DLGAP2: variants seen among roughly 807,000 people sequenced by gnomAD.
The protein encoded by DLGAP2 is disks large-associated protein 2.
In DLGAP2, 26 loss-of-function variants were observed where a neutral mutation model predicts 100.3. The observed-to-expected ratio is 0.26, with a 90% CI of 0.19 to 0.36. The LOEUF is 0.36. Ranked by LOEUF, DLGAP2 falls within the 10% of genes least tolerant of loss-of-function variation. The pLI, the probability that DLGAP2 is intolerant of heterozygous loss-of-function variation, is 1.00. For missense variants in DLGAP2, 1,858 were observed against 1,453.2 expected (o/e 1.28, Z -4.53); for synonymous variants, 886 against 630.1 (o/e 1.41, Z -6.08).
At chr8:1,156,845 G>A (rs1796801384) in intron 2 of DLGAP2, among the ~76,000 whole-genome samples, 1 of 152,206 alleles carries the variant, frequency 6.6e-6, no homozygotes, top group Non-Finnish European at 1.5e-5. Flanking sequence ...ACTGAGAGAG[G>A]TTGGTAGAAA....
At chr8:996,385 G>C (rs1379386574) in intron 2 of DLGAP2, among the ~76,000 whole-genome samples, 1 of 152,242 alleles carries the variant, frequency 6.6e-6, no homozygotes, top group East Asian at 1.9e-4. Flanking sequence ...GTCTGAGCAG[G>C]GTGTGGATCC....
intron 2 of DLGAP2, among the ~76,000 whole-genome samples, chr8:1,138,790 C>A (rs1309051273): frequency 6.6e-6 from 1 of 152,034 alleles, no homozygotes; most frequent in Non-Finnish European, 1.5e-5. Flanking sequence ...TTGTCCTGAC[C>A]TGTGCAGCTG....
At chr8:1,180,597 G>T (rs982545434) in intron 2 of DLGAP2, among the ~76,000 whole-genome samples, 6 of 144,878 alleles carry the variant, frequency 4.1e-5, no homozygotes. Context: ...ACTGTCGAGT[G>T]TGTGTGGGTG....
intron 2 of DLGAP2, among the ~76,000 whole-genome samples, chr8:1,077,174 G>A (rs770470017): frequency 3.3e-5 from 5 of 152,162 alleles, no homozygotes; most frequent in Non-Finnish European, 4.4e-5. Context: ...TCTGTCCTCC[G>A]GTTTCTGCTT....
At chr8:1,208,662 C>G (rs1206237858) in intron 2 of DLGAP2, among the ~76,000 whole-genome samples, 2 of 151,980 alleles carry the variant, frequency 1.3e-5, no homozygotes, top group African/African-American at 4.8e-5. Flanking sequence ...TAAGGGCATC[C>G]AAATTGGTAA....
At chr8:1,137,494 C>T (rs1796442235) in intron 2 of DLGAP2, 1 of 152,406 alleles carries the variant, frequency 6.6e-6, no homozygotes, top group Non-Finnish European at 1.5e-5. Context: ...AGCCGGCCCA[C>T]ACCATTTTCT....
intron 2 of DLGAP2, among the ~76,000 whole-genome samples, chr8:1,184,081 G>A (rs1441286639): frequency 6.6e-6 from 1 of 152,204 alleles, no homozygotes; most frequent in East Asian, 1.9e-4. Context: ...CAGTGTGTTT[G>A]CGTTGTGTTT....
chr8:1,493,183 C>G (rs1210533456), intron 3 of DLGAP2, among the ~76,000 whole-genome samples: 1 of 152,210 alleles, frequency 6.6e-6, no homozygotes, highest in Admixed American at 6.5e-5. Flanking sequence ...GCCCTAGGAA[C>G]CCAGATGGCT....
intron 3 of DLGAP2, among the ~76,000 whole-genome samples, chr8:1,388,250 G>C (rs1193592350): frequency 7.9e-6 from 1 of 126,584 alleles, no homozygotes; most frequent in Non-Finnish European, 1.6e-5. Flanking sequence ...GTAAGAGGCA[G>C]AGGCCGTGGA....
intron 3 of DLGAP2, among the ~76,000 whole-genome samples, chr8:1,498,379 TAAAAA>T (rs55865222): frequency 9.4e-5 from 14 of 148,860 alleles, no homozygotes; most frequent in Admixed American, 4.0e-4. Context: ...GCAAAATAAA[TAAAAA>T]AAAAAAAATT....
chr8:750,819 A>G (rs1355287085), intron 1 of DLGAP2, among the ~76,000 whole-genome samples: 2 of 152,210 alleles, frequency 1.3e-5, no homozygotes, highest in East Asian at 3.8e-4. Context: ...CAAAAGGCCT[A>G]ATGGGATAGC....
chr8:1,307,210 A>G (rs996984335), intron 3 of DLGAP2, among the ~76,000 whole-genome samples: 1 of 152,136 alleles, frequency 6.6e-6, no homozygotes, highest in African/African-American at 2.4e-5. Flanking sequence ...TGATTCAAAA[A>G]TGGGCAAAGG....
At chr8:1,078,498 C>T (rs1239140802) in intron 2 of DLGAP2, among the ~76,000 whole-genome samples, 1 of 152,148 alleles carries the variant, frequency 6.6e-6, no homozygotes, top group Non-Finnish European at 1.5e-5. Flanking sequence ...TGGCGTATGC[C>T]CACCCTGGCA....
chr8:1,253,663 G>T (rs1799103912), intron 2 of DLGAP2, among the ~76,000 whole-genome samples: 1 of 152,136 alleles, frequency 6.6e-6, no homozygotes. Flanking sequence ...TGTGGTGAGG[G>T]TTCAGGTTCA....
At position 1,449,833 on chromosome 8, in the gene DLGAP2, G is replaced by C. The variant is rs1042070367; in HGVS notation, c.107-51533G>C. The stretch of plus-strand genomic sequence containing the variant: ...GACGAGGTGGGCGGCCTCGGTGGCT[G>C]TGACTGTAGCGGAGCTGTGAGGGTG... On this transcript the variant is annotated intron_variant, in intron 3 of 14. Coordinates refer to ENST00000637795, the MANE Select transcript of DLGAP2 (RefSeq NM_001346810.2). 4.8e-5 allele frequency among the ~76,000 whole-genome samples: 7 copies of C among 146,686 alleles called. 1 individual carries two copies. Among genetic ancestry groups the C allele is most frequent in the Admixed American group, 1.4e-4 (2 of 14,504 alleles).
Position 960,237 on chromosome 8 carries a change from CT to C in DLGAP2, c.73+52286del, listed in dbSNP as rs71528625. On this transcript the variant is annotated intron_variant, in intron 2 of 14. Coordinates refer to ENST00000637795, the MANE Select transcript of DLGAP2 (RefSeq NM_001346810.2). ...TTGGGCAATTATTCCTGAAGTATATCTTTTTTTTTTTTTTTCCCGAGACACT... is the reference window on the plus strand; with the variant it reads ...TTGGGCAATTATTCCTGAAGTATATCTTTTTTTTTTTTTTCCCGAGACACT... Among the ~76,000 whole-genome samples the C allele has an allele frequency of 4.9e-4, 22 of 44,650 alleles. 2 individuals carry two copies. The South Asian group carries it at 9.1e-3, about 18-fold the overall frequency. The allele number at this position is 44,650 out of a possible 152,430, so 29.3% of individuals were successfully genotyped here.
intron 3 of DLGAP2, among the ~76,000 whole-genome samples, chr8:1,378,694 G>A (rs1232213347): frequency 6.6e-6 from 1 of 152,264 alleles, no homozygotes; most frequent in African/African-American, 2.4e-5. Context: ...ATCTTCCTCT[G>A]TGCTTTCATC....
intron 3 of DLGAP2, among the ~76,000 whole-genome samples, chr8:1,290,089 T>C (rs2116968275): frequency 6.6e-6 from 1 of 152,276 alleles, no homozygotes; most frequent in Middle Eastern, 3.4e-3. Flanking sequence ...GTTGGGAATT[T>C]ATTCCTACCT....
At chr8:1,057,568 G>T (rs1802919719) in intron 2 of DLGAP2, among the ~76,000 whole-genome samples, 1 of 152,178 alleles carries the variant, frequency 6.6e-6, no homozygotes, top group Admixed American at 6.5e-5. Flanking sequence ...GATTTCTTAT[G>T]TCTATCTATG....
Sources: allele counts gnomAD v4.1 joint callset (sites outside exome capture counted in the v4.1 genomes callset), GRCh38; gene constraint gnomAD v4.1.1; transcripts MANE v1.5; gene names NCBI Gene and HGNC (gene_info 2026-07-23, HGNC 2026-07-21).